Variants in MAGI2 observed in about 807,000 individuals in gnomAD.
The protein encoded by MAGI2 is membrane-associated guanylate kinase, WW and PDZ domain-containing protein 2.
In MAGI2, 35 loss-of-function variants were observed where a neutral mutation model predicts 133.3. The ratio of observed to expected loss-of-function variants is 0.26; its 90% CI spans 0.20 to 0.35. The LOEUF is 0.35. Ranked by LOEUF, MAGI2 falls within the 10% of genes least tolerant of loss-of-function variation. The probability of loss-of-function intolerance (pLI) is 1.00; values close to 1 mark genes in which losing one functional copy is unlikely to be tolerated. For synonymous variants in MAGI2, 729 were observed against 710.6 expected, an observed-to-expected ratio of 1.03 and a Z score of -0.41; for missense variants, 1,636 against 1,863.4, an observed-to-expected ratio of 0.88 and a Z score of 2.25.
chr7:79,069,278 T>C (rs1409185426), intron 1 of MAGI2, among the ~76,000 whole-genome samples: 1 of 152,170 alleles, frequency 6.6e-6, no homozygotes, highest in East Asian at 1.9e-4. Context: ...TGAATCTGGG[T>C]GCTCCTGTAT....
At chr7:78,654,703 G>A (rs1015419789) in intron 2 of MAGI2, among the ~76,000 whole-genome samples, 26 of 118,430 alleles carry the variant, frequency 2.2e-4, no homozygotes, top group Non-Finnish European at 3.4e-4. Flanking sequence ...TTACATATAT[G>A]TATATATATA....
intron 6 of MAGI2, among the ~76,000 whole-genome samples, chr7:78,477,039 C>T (rs35126408): frequency 0.18 from 27,349 of 151,760 alleles, 3,293 homozygotes; most frequent in Non-Finnish European, 0.26. Context: ...TTCTTTTTTC[C>T]AACTAAAAGC....
intron 1 of MAGI2, among the ~76,000 whole-genome samples, chr7:79,280,307 T>C (rs1207027813): frequency 1.3e-5 from 2 of 152,184 alleles, no homozygotes; most frequent in East Asian, 1.9e-4. Flanking sequence ...AAAGCAAAGA[T>C]AACAGTTGGA....
At chr7:79,081,590 C>A (rs1816042699) in intron 1 of MAGI2, among the ~76,000 whole-genome samples, 1 of 152,120 alleles carries the variant, frequency 6.6e-6, no homozygotes, top group Non-Finnish European at 1.5e-5. Context: ...AAATAAAATT[C>A]TTGCTAGTCT....
At chr7:78,261,000 C>T (rs1793463138) in intron 9 of MAGI2, among the ~76,000 whole-genome samples, 1 of 144,392 alleles carries the variant, frequency 6.9e-6, no homozygotes, top group Non-Finnish European at 1.5e-5. Flanking sequence ...CTTTCCTCTA[C>T]CCCCGCATTC....
At chr7:78,545,307 G>C (rs1798742383) in intron 3 of MAGI2, among the ~76,000 whole-genome samples, 1 of 147,592 alleles carries the variant, frequency 6.8e-6, no homozygotes, top group African/African-American at 2.5e-5. Context: ...CCACTTCTCA[G>C]GTTCAAGCAA....
At chr7:79,138,474 G>A (rs1345042396) in intron 1 of MAGI2, among the ~76,000 whole-genome samples, 1 of 152,158 alleles carries the variant, frequency 6.6e-6, no homozygotes, top group Non-Finnish European at 1.5e-5. Flanking sequence ...ATACAAGAGT[G>A]ATTAGGAAAG....
intron 1 of MAGI2, among the ~76,000 whole-genome samples, chr7:79,077,595 AT>A (rs67483773): frequency 0.63 from 57,237 of 91,074 alleles, 22,126 homozygotes; most frequent in Non-Finnish European, 0.7. Context: ...AAAAAAAAAA[AT>A]AAATAAATAA....
At chr7:78,684,994 G>C (rs555830106) in intron 2 of MAGI2, among the ~76,000 whole-genome samples, 1 of 152,110 alleles carries the variant, frequency 6.6e-6, no homozygotes, top group Non-Finnish European at 1.5e-5. Flanking sequence ...AAATTAACAG[G>C]CTTCTCATAC....
chr7:78,025,231 C>A (rs1808798750), intron 21 of MAGI2, among the ~76,000 whole-genome samples: 1 of 152,224 alleles, frequency 6.6e-6, no homozygotes. Context: ...TTCCCCACAA[C>A]TATCTAAAAA....
intron 9 of MAGI2, among the ~76,000 whole-genome samples, chr7:78,330,542 C>CA (rs1789065213): frequency 1.3e-5 from 1 of 78,178 alleles, no homozygotes; most frequent in South Asian, 3.6e-4. Context: ...GCGTGAACCC[C>CA]AGGGGGCGGA....
At chr7:79,071,067 C>T (rs984920629) in intron 1 of MAGI2, among the ~76,000 whole-genome samples, 2 of 152,128 alleles carry the variant, frequency 1.3e-5, no homozygotes, top group Non-Finnish European at 2.9e-5. Flanking sequence ...CTGGTTTCGC[C>T]CCATCTTCGT....
chr7:79,287,181 A>C (rs1836075784), intron 1 of MAGI2, among the ~76,000 whole-genome samples: 1 of 152,086 alleles, frequency 6.6e-6, no homozygotes, highest in Non-Finnish European at 1.5e-5. Context: ...ACCTCATCCC[A>C]GACCTACTGA....
chr7:79,170,782 AG>A (rs1825463947), intron 1 of MAGI2, among the ~76,000 whole-genome samples: 1 of 152,228 alleles, frequency 6.6e-6, no homozygotes, highest in Non-Finnish European at 1.5e-5. Flanking sequence ...AGCTGGGATA[AG>A]GGGTTTGTCA....
chr7:78,494,782 C>T (rs1793935811), intron 5 of MAGI2, among the ~76,000 whole-genome samples: 2 of 152,100 alleles, frequency 1.3e-5, no homozygotes, highest in South Asian at 2.1e-4. Context: ...TCCTTTGCTC[C>T]GTTTTCTCTA....
intron 2 of MAGI2, among the ~76,000 whole-genome samples, chr7:78,896,494 G>A (rs1799014): frequency 0.37 from 55,457 of 149,048 alleles, 12,021 homozygotes; most frequent in South Asian, 0.58. Flanking sequence ...TGAATCTATG[G>A]AAGTGATTGA....
chr7:78,937,293 C>A (rs928110533), intron 2 of MAGI2, among the ~76,000 whole-genome samples: 1 of 152,030 alleles, frequency 6.6e-6, no homozygotes, highest in Non-Finnish European at 1.5e-5. Context: ...TCCATACTGA[C>A]ACAAACAATT....
At chr7:78,311,389 G>A (rs1195588461) in intron 9 of MAGI2, among the ~76,000 whole-genome samples, 1 of 152,176 alleles carries the variant, frequency 6.6e-6, no homozygotes, top group African/African-American at 2.4e-5. Context: ...AAATTCAAGA[G>A]CAATGACTCG....
At chr7:78,579,722 G>C (rs1389715304) in intron 3 of MAGI2, among the ~76,000 whole-genome samples, 2 of 152,070 alleles carry the variant, frequency 1.3e-5, no homozygotes, top group African/African-American at 2.4e-5. Flanking sequence ...CCACTTCTAG[G>C]AGAACTACTT....
Sources: allele counts gnomAD v4.1 joint callset (sites outside exome capture counted in the v4.1 genomes callset), GRCh38; gene constraint gnomAD v4.1.1; transcripts MANE v1.5; gene names NCBI Gene and HGNC (gene_info 2026-07-23, HGNC 2026-07-21).